Variants in EMX1 observed in about 807,000 individuals in gnomAD.
EMX1 encodes empty spiracles homeobox 1, also known as homeobox protein EMX1.
In EMX1, 10 loss-of-function variants were observed where a neutral mutation model predicts 20.1. The observed-to-expected ratio is 0.50, with a 90% confidence interval of 0.31 to 0.84. EMX1 has a LOEUF of 0.84. EMX1 is among the 40% of genes least tolerant of loss of function. EMX1 has a pLI of 0.05. For missense variants in EMX1, 424 were observed against 431.9 expected (o/e 0.98, Z 0.16); for synonymous variants, 250 against 200.4 (o/e 1.25, Z -2.09).
chr2:72,916,992 T>A, upstream of EMX1: 1 of 706,496 alleles, frequency 1.4e-6, no homozygotes, highest in Admixed American at 2.0e-5. Context: ...CTGTCCCCCG[T>A]GACATCCAGA....
chr2:72,925,133 G>A (rs1456098950), intron 2 of EMX1, among the ~76,000 whole-genome samples: 1 of 152,184 alleles, frequency 6.6e-6, no homozygotes, highest in Non-Finnish European at 1.5e-5. Flanking sequence ...GCCACGGTGT[G>A]CGCGCGCAGA....
At chr2:72,923,057 A>G (rs1671130237) in intron 1 of EMX1, among the ~76,000 whole-genome samples, 1 of 152,158 alleles carries the variant, frequency 6.6e-6, no homozygotes, top group Non-Finnish European at 1.5e-5. Flanking sequence ...AGCATGTGCA[A>G]CCAAGCCAGA....
Position 72,917,714 on chromosome 2 carries a change from C to G in EMX1, c.-139C>G. 12 of 830,290 alleles carry G rather than the reference C, an allele frequency of 1.4e-5. No homozygotes were observed. The highest frequency in any genetic ancestry group is 1.9e-5 in the Non-Finnish European group (12 of 642,224). The allele number at this position is 830,290 out of a possible 1,614,324, so 51.4% of individuals were successfully genotyped here. A position where few individuals can be genotyped will look rare whatever the true frequency, so the allele number is the denominator to read the frequency against. ...GAGCTGCCCGCTCCGCCGCAGCAGC[C>G]GCCGCGCCTGGCCGTACGCTGTGGC... On this transcript the variant is annotated 5_prime_UTR_variant, in exon 1 of 3. Transcript: ENST00000258106.
chr2:72,922,066 G>A (rs545293528), intron 1 of EMX1, among the ~76,000 whole-genome samples: 15 of 152,198 alleles, frequency 9.9e-5, no homozygotes, highest in Admixed American at 2.0e-4. Context: ...ACACACTTAC[G>A]GGGCTTTCCA....
At chr2:72,920,805 G>A (rs1050215945) in intron 1 of EMX1, among the ~76,000 whole-genome samples, 4 of 152,238 alleles carry the variant, frequency 2.6e-5, no homozygotes, top group African/African-American at 9.6e-5. Context: ...CCGAAGGGGA[G>A]GAGCCGACGA....
At chr2:72,926,992 T>A (rs1050173572) in intron 2 of EMX1, among the ~76,000 whole-genome samples, 23 of 152,122 alleles carry the variant, frequency 1.5e-4, no homozygotes, top group Admixed American at 7.2e-4. Flanking sequence ...ACAGCCCCCC[T>A]GCCATGCATT....
chr2:72,916,264 T>G (rs1195295220), upstream of EMX1: 3 of 195,104 alleles, frequency 1.5e-5, no homozygotes, highest in Non-Finnish European at 3.2e-5. Flanking sequence ...CCCGCAGAGT[T>G]GCGCGGCGCA....
At chr2:72,933,577 C>T (rs1156649732) in intron 2 of EMX1, 3 of 597,820 alleles carry the variant, frequency 5.0e-6, no homozygotes, top group Non-Finnish European at 8.8e-6. Context: ...CTCTGGCCCA[C>T]TGTGTCCTCT....
At chr2:72,918,512 C>T (rs1214135978) in intron 1 of EMX1, 140 bp downstream of exon 1, 3 of 1,207,590 alleles carry the variant, frequency 2.5e-6, no homozygotes, top group Non-Finnish European at 3.2e-6. Context: ...GATTCCCAGG[C>T]AGGGAAGAGC....
rs1257643621 is a variant in EMX1 at position 72,930,577 on chromosome 2, C to T, written c.706-3210C>T. Among the ~76,000 whole-genome samples, 2 of 152,056 alleles carry T rather than the reference C, an allele frequency of 1.3e-5. No homozygotes were observed. The highest frequency in any genetic ancestry group is 4.8e-5 in the African/African-American group (2 of 41,388). ...TCCAGCTAACATTCCAACTGTACCT[C>T]GGGGCTTAGAGAGAGGTGAGTAGTG... On this transcript the variant is annotated intron_variant, in intron 2 of 2. Transcript: ENST00000258106. The surrounding 1 kb of genome is among the most constrained non-coding windows in gnomAD (Gnocchi z 4.4).
chr2:72,917,663 G>A lies in EMX1; in HGVS notation c.-190G>A. 1 of 325,022 alleles carries A rather than the reference G, an allele frequency of 3.1e-6. No individual in the cohort carries two copies. Among genetic ancestry groups the A allele is most frequent in the Non-Finnish European group, 5.0e-6 (1 of 198,120 alleles). 20.1% of individuals were successfully genotyped at this position (325,022 alleles called of 1,614,324 possible). On this transcript the variant is annotated 5_prime_UTR_variant, in exon 1 of 3. Transcript: ENST00000258106. ...TTACTGGCAGCTCGCAGCCTAGCAC[G>A]GAGCCCGCGCCTGTGCGGGCGCCTG...
At chr2:72,925,555 C>G in intron 2 of EMX1, 3 of 1,287,840 alleles carry the variant, frequency 2.3e-6, no homozygotes, top group Non-Finnish European at 3.0e-6. Context: ...GCTCCGCGGT[C>G]TCCCAGCTAC....
intron 1 of EMX1, among the ~76,000 whole-genome samples, chr2:72,920,992 C>T (rs1034501399): frequency 6.6e-6 from 1 of 152,190 alleles, no homozygotes; most frequent in Non-Finnish European, 1.5e-5. Context: ...ATGAGGTTAT[C>T]TCCGCCGCCT....
chr2:72,930,581 G>A lies in EMX1; in HGVS notation c.706-3206G>A, dbSNP rs1216715712. Among the ~76,000 whole-genome samples the A allele has an allele frequency of 1.3e-5, 2 of 152,148 alleles. No homozygotes were observed. The highest frequency in any genetic ancestry group is 2.9e-5 in the Non-Finnish European group (2 of 68,028). ...GCTAACATTCCAACTGTACCTCGGG[G>A]CTTAGAGAGAGGTGAGTAGTGTGTT... On this transcript the variant is annotated intron_variant, in intron 2 of 2. Coordinates refer to ENST00000258106, the MANE Select transcript of EMX1 (RefSeq NM_004097.3). The surrounding 1 kb of genome is among the most constrained non-coding windows in gnomAD (Gnocchi z 4.4).
Position 72,917,858 on chromosome 2 carries a change from C to A in EMX1, c.6C>A (p.Cys2Ter). The A allele has an allele frequency of 6.8e-7, 1 of 1,462,814 alleles. No homozygotes were observed. Among genetic ancestry groups the A allele is most frequent in the South Asian group, 1.3e-5 (1 of 76,274 alleles). 90.6% of individuals were successfully genotyped at this position (1,462,814 alleles called of 1,614,324 possible). A position where few individuals can be genotyped will look rare whatever the true frequency, so the allele number is the denominator to read the frequency against. Residue 2 changes from cysteine to a stop codon, truncating the protein, a stop_gained, in exon 1 of 3, where the codon TGC becomes TGA. Coordinates refer to ENST00000258106, the MANE Select transcript of EMX1 (RefSeq NM_004097.3). LOFTEE classifies it high-confidence loss of function. M[C>*]LAGCTPRKAA... is the part of the protein sequence containing the mutation. ...AGGGGTGCGGGCGGGTGTGCATGTG[C>A]CTGGCTGGGTGCACACCCCGCAAGG...
chr2:72,916,674 T>C (rs763123338), upstream of EMX1: 3 of 715,940 alleles, frequency 4.2e-6, no homozygotes, highest in Admixed American at 2.0e-5. Context: ...GGCTGGCGTG[T>C]TCTCTTGAGA....
chr2:72,916,605 G>C, upstream of EMX1: 1 of 662,600 alleles, frequency 1.5e-6, no homozygotes, highest in Non-Finnish European at 2.8e-6. Flanking sequence ...CCGCGGTTCC[G>C]CGGTCGCGGG....
chr2:72,917,342 A>T, upstream of EMX1: 1 of 381,932 alleles, frequency 2.6e-6, no homozygotes, highest in Non-Finnish European at 4.7e-6. Flanking sequence ...TCGCGAGGAG[A>T]AGCCAGTGGC....
At chr2:72,924,167 G>GC in intron 1 of EMX1, 142 bp from the exon 2 acceptor site, 1 of 1,022,682 alleles carries the variant, frequency 9.8e-7, no homozygotes, top group South Asian at 1.4e-5. Context: ...GGGAGAAATG[G>GC]CGTGTGTGTG....
Sources: allele counts gnomAD v4.1 joint callset (sites outside exome capture counted in the v4.1 genomes callset), GRCh38; gene constraint gnomAD v4.1.1; non-coding constraint Gnocchi (gnomAD v3.1); transcripts MANE v1.5; gene names NCBI Gene and HGNC (gene_info 2026-07-23, HGNC 2026-07-21).